Variants in DPP6 observed in about 807,000 individuals in gnomAD.
DPP6 encodes the protein A-type potassium channel modulatory protein DPP6.
A neutral mutation model predicts 122.6 loss-of-function variants in DPP6; 69 were observed. That is an observed-to-expected ratio of 0.56 (90% CI 0.46 to 0.69). The LOEUF (loss-of-function observed/expected upper bound fraction) is 0.69, where lower values mean the gene tolerates loss of function less well. DPP6 is among the 30% of genes least tolerant of loss of function. The pLI is 0.00. For missense variants in DPP6, 928 were observed against 1,116.9 expected (o/e 0.83, Z 2.41); for synonymous variants, 418 against 433.1 (o/e 0.97, Z 0.43).
At chr7:154,203,587 C>A (rs1254037934) in intron 1 of DPP6, among the ~76,000 whole-genome samples, 2 of 152,198 alleles carry the variant, frequency 1.3e-5, no homozygotes, top group Non-Finnish European at 2.9e-5. Flanking sequence ...ACACACCCAA[C>A]TGAGCACCAA....
intron 1 of DPP6, among the ~76,000 whole-genome samples, chr7:154,200,454 C>T (rs1055316883): frequency 1.3e-5 from 2 of 152,080 alleles, no homozygotes; most frequent in African/African-American, 4.8e-5. Flanking sequence ...TGAGAACCGC[C>T]GGGTGGAGAT....
At chr7:154,052,361 G>A (rs994201496), upstream of DPP6, 34 of 153,300 alleles carry the variant, frequency 2.2e-4, no homozygotes, top group Non-Finnish European at 4.5e-4. The surrounding 1 kb of genome is among the most constrained non-coding windows in gnomAD (Gnocchi z 4.8). Context: ...GAGGAGCTGC[G>A]CGAGGGGCCT....
Position 154,411,310 on chromosome 7 carries a change from G to A in DPP6, c.244-34904G>A, listed in dbSNP as rs985544900. On this transcript the variant is annotated intron_variant, in intron 1 of 25. Transcript: ENST00000377770. Reference sequence around the variant, plus strand: ...ATTGCCCAGGCTGAAGTACAGTGTCGTGATCATGGCACTTGACCTCCTGGG... The same window carrying A: ...ATTGCCCAGGCTGAAGTACAGTGTCATGATCATGGCACTTGACCTCCTGGG... Among the ~76,000 whole-genome samples the A allele has an allele frequency of 4.6e-5, 7 of 152,096 alleles. No homozygotes were observed. In the East Asian group the frequency reaches 5.8e-4, roughly 13 times the overall value.
the DPP6 span, among the ~76,000 whole-genome samples, chr7:153,864,160 CTG>C: frequency 6.6e-6 from 1 of 152,190 alleles, no homozygotes; most frequent in Admixed American, 6.5e-5. Flanking sequence ...GAACGCCAGA[CTG>C]TGTTTCACAA....
chr7:154,198,039 A>T (rs1301314498), intron 1 of DPP6, among the ~76,000 whole-genome samples: 1 of 152,160 alleles, frequency 6.6e-6, no homozygotes. Context: ...TTTCCCATCC[A>T]TTCAGTGCTC....
chr7:153,807,641 G>A, the DPP6 span, among the ~76,000 whole-genome samples: 1 of 151,856 alleles, frequency 6.6e-6, no homozygotes, highest in African/African-American at 2.4e-5. Flanking sequence ...GGCGGGGCTC[G>A]GGTGGAATGT....
chr7:154,167,618 C>A (rs1274820645), intron 1 of DPP6, among the ~76,000 whole-genome samples: 1 of 152,156 alleles, frequency 6.6e-6, no homozygotes, highest in African/African-American at 2.4e-5. Context: ...ATCTGCAGAC[C>A]CTTCTGGGGA....
upstream of DPP6, among the ~76,000 whole-genome samples, chr7:153,884,121 A>G (rs38986): frequency 0.63 from 95,333 of 151,984 alleles, 30,394 homozygotes; most frequent in African/African-American, 0.73. Context: ...TTAACTCGTC[A>G]TTTACATTAG....
At chr7:154,310,858 GTTA>G (rs2150997343) in intron 1 of DPP6, among the ~76,000 whole-genome samples, 1 of 152,266 alleles carries the variant, frequency 6.6e-6, no homozygotes, top group Non-Finnish European at 1.5e-5. Context: ...GAATTGTAGC[GTTA>G]TTATCTTTTA....
chr7:154,846,230 G>A (rs906507094), intron 16 of DPP6, among the ~76,000 whole-genome samples: 1 of 150,646 alleles, frequency 6.6e-6, no homozygotes, highest in African/African-American at 2.4e-5. Flanking sequence ...ATATGTATGT[G>A]TGGGTATATA....
At chr7:154,122,576 A>G in intron 1 of DPP6, among the ~76,000 whole-genome samples, 1 of 152,136 alleles carries the variant, frequency 6.6e-6, no homozygotes, top group Non-Finnish European at 1.5e-5. Context: ...CATGTGGGTA[A>G]TAGAAGTCAT....
intron 1 of DPP6, among the ~76,000 whole-genome samples, chr7:153,928,209 CT>C (rs1158348113): frequency 2.7e-5 from 4 of 148,630 alleles, no homozygotes; most frequent in African/African-American, 1.0e-4. Context: ...GTTTTCTTTT[CT>C]TTTTTTCTTT....
intron 1 of DPP6, among the ~76,000 whole-genome samples, chr7:154,164,916 G>C (rs1164131114): frequency 6.6e-6 from 1 of 152,130 alleles, no homozygotes; most frequent in African/African-American, 2.4e-5. Context: ...GAATGAGGCT[G>C]CTATGAACTG....
At chr7:154,086,174 G>A (rs1031267926) in intron 1 of DPP6, among the ~76,000 whole-genome samples, 6 of 152,176 alleles carry the variant, frequency 3.9e-5, no homozygotes, top group Non-Finnish European at 8.8e-5. Context: ...ATCTGAGTCA[G>A]GTCAAGATGA....
chr7:153,788,840 C>A, the DPP6 span, among the ~76,000 whole-genome samples: 8,827 of 151,996 alleles, frequency 0.058, 279 homozygotes, highest in African/African-American at 0.074. Context: ...TGGTAGATGC[C>A]TGTAATTCCA....
chr7:154,777,066 A>G (rs1412242810), intron 10 of DPP6, among the ~76,000 whole-genome samples: 1 of 152,232 alleles, frequency 6.6e-6, no homozygotes. Flanking sequence ...TCTCAGATGC[A>G]GGGAGAGTTA....
intron 1 of DPP6, among the ~76,000 whole-genome samples, chr7:153,935,016 G>A (rs1017972162): frequency 6.6e-6 from 1 of 152,208 alleles, no homozygotes; most frequent in South Asian, 2.1e-4. Flanking sequence ...GAGGTGCAGG[G>A]ACAGAAGGCC....
the DPP6 span, among the ~76,000 whole-genome samples, chr7:153,788,965 CAAA>C: frequency 8.2e-5 from 11 of 134,556 alleles, no homozygotes; most frequent in African/African-American, 5.5e-5. Context: ...AAGTCTGTCT[CAAA>C]AAAAAAAAAA....
intron 1 of DPP6, among the ~76,000 whole-genome samples, chr7:154,216,612 T>C (rs1800013230): frequency 6.6e-6 from 1 of 152,174 alleles, no homozygotes; most frequent in African/African-American, 2.4e-5. Context: ...TGATCCTCTC[T>C]TCTAAAAGGC....
Sources: gnomAD v4.1 joint callset for allele counts (sites outside exome capture counted in the v4.1 genomes callset) on GRCh38, gnomAD v4.1.1 for gene constraint, Gnocchi (gnomAD v3.1) non-coding constraint, MANE v1.5 for transcripts, NCBI Gene and HGNC (gene_info 2026-07-23, HGNC 2026-07-21) for gene names.